The following ATL1 variants were observed in gnomAD, a reference collection of about 807,000 sequenced individuals.
ATL1 encodes atlastin GTPase 1.
Under a neutral mutation model 75.5 loss-of-function variants are expected in ATL1, and 31 were observed. That is an observed-to-expected ratio of 0.41 (90% CI 0.31 to 0.55). The LOEUF (loss-of-function observed/expected upper bound fraction) is 0.55. Among genes scored for constraint, ATL1 ranks in the 20% least tolerant of loss-of-function variants. The pLI is 0.27. For synonymous variants in ATL1, 226 were observed against 233.3 expected (o/e 0.97, Z 0.28); for missense variants, 405 against 662.6 (o/e 0.61, Z 4.27).
intron 5 of ATL1, 71 bp from the exon 6 acceptor site, chr14:50,595,505 G>A (rs930230492): frequency 1.4e-6 from 2 of 1,417,534 alleles, no homozygotes; most frequent in South Asian, 2.3e-5. Context: ...TTAAAACTTT[G>A]CAGGTGCTAA....
At chr14:50,605,029 ATGT>A (rs1309849836) in intron 6 of ATL1, among the ~76,000 whole-genome samples, 1 of 152,018 alleles carries the variant, frequency 6.6e-6, no homozygotes, top group Non-Finnish European at 1.5e-5. Context: ...TGAGTCTTTG[ATGT>A]TGTTGATTTA....
chr14:50,580,531 G>A (rs1406878021), intron 1 of ATL1, among the ~76,000 whole-genome samples: 1 of 152,092 alleles, frequency 6.6e-6, no homozygotes, highest in African/African-American at 2.4e-5. Flanking sequence ...GTCTCTGAAT[G>A]TTAAATTAAC....
intron 1 of ATL1, among the ~76,000 whole-genome samples, chr14:50,581,328 T>C (rs997279501): frequency 3.3e-5 from 5 of 151,940 alleles, no homozygotes; most frequent in African/African-American, 1.2e-4. Context: ...TCAATATAAA[T>C]AAGATACTAC....
At chr14:50,582,233 C>T (rs1487093270) in intron 1 of ATL1, among the ~76,000 whole-genome samples, 2 of 150,832 alleles carry the variant, frequency 1.3e-5, no homozygotes, top group South Asian at 4.3e-4. Context: ...GAGCCGAGAT[C>T]GCGCCACTGC....
At chr14:50,580,094 G>C (rs527767688) in intron 1 of ATL1, among the ~76,000 whole-genome samples, 2 of 152,228 alleles carry the variant, frequency 1.3e-5, no homozygotes, top group African/African-American at 4.8e-5. Flanking sequence ...TCAATATTTA[G>C]AACTGTTCCA....
chr14:50,567,610 A>G (rs567154090), intron 1 of ATL1, among the ~76,000 whole-genome samples: 2 of 152,272 alleles, frequency 1.3e-5, no homozygotes, highest in East Asian at 3.9e-4. Context: ...ATTTTTTCAT[A>G]TCTTCGCCAA....
At chr14:50,601,024 C>T (rs943398509) in intron 6 of ATL1, among the ~76,000 whole-genome samples, 2 of 152,176 alleles carry the variant, frequency 1.3e-5, no homozygotes, top group African/African-American at 2.4e-5. Context: ...GGGAGGATCA[C>T]TTGAGCCCTG....
rs35420627 is a variant in ATL1, at chr14:50,544,936, CAAAAAAAA to C, written c.-140+11588_-140+11595del. On this transcript the variant is annotated intron_variant, in intron 1 of 13. Coordinates refer to the ATL1 transcript ENST00000441560. The stretch of plus-strand genomic sequence containing the variant: ...TGAGTGACAGAGTGAGACCCACTCT[CAAAAAAAA>C]AAAAAAAAAAAAAAAAAAGAAGCCA... 7.1e-3 allele frequency among the ~76,000 whole-genome samples: 417 copies of C among 58,478 alleles called. 1 individual carries two copies. The highest frequency in any genetic ancestry group is 0.016 in the South Asian group (18 of 1,110). 38.4% of individuals were successfully genotyped at this position (58,478 alleles called of 152,430 possible). A position where few individuals can be genotyped will look rare whatever the true frequency, so the allele number is the denominator to read the frequency against.
At chr14:50,611,054 G>C (rs1047298626) in intron 6 of ATL1, among the ~76,000 whole-genome samples, 1 of 151,934 alleles carries the variant, frequency 6.6e-6, no homozygotes, top group African/African-American at 2.4e-5. Context: ...TGACATAGCT[G>C]TCTTGAAAAA....
At chr14:50,595,545 T>C in intron 5 of ATL1, 31 bp from the exon 6 acceptor site, 1 of 1,605,946 alleles carries the variant, frequency 6.2e-7, no homozygotes, top group Non-Finnish European at 8.5e-7. Flanking sequence ...TCTCTCTCTG[T>C]GTATGTGTGT....
intron 1 of ATL1, among the ~76,000 whole-genome samples, chr14:50,539,252 G>A (rs534628542): frequency 2.0e-4 from 31 of 152,234 alleles, no homozygotes; most frequent in African/African-American, 7.5e-4. Context: ...GTCAGTGTAG[G>A]GCACAACATT....
chr14:50,629,824 T>C (rs1312694925), intron 12 of ATL1, among the ~76,000 whole-genome samples, 171 bp from the exon 13 acceptor site: 9 of 152,180 alleles, frequency 5.9e-5, no homozygotes, highest in Non-Finnish European at 1.0e-4. Context: ...GAATACAGAA[T>C]TGAGTTCTTC....
At chr14:50,538,409 C>T (rs960403056) in intron 1 of ATL1, among the ~76,000 whole-genome samples, 12 of 152,122 alleles carry the variant, frequency 7.9e-5, no homozygotes, top group African/African-American at 2.7e-4. Flanking sequence ...TTCTGTTAAC[C>T]TTTATCGTCA....
intron 1 of ATL1, among the ~76,000 whole-genome samples, chr14:50,544,802 T>A (rs2038607288): frequency 6.6e-6 from 1 of 151,648 alleles, no homozygotes; most frequent in Non-Finnish European, 1.5e-5. Flanking sequence ...CCAGGCATGG[T>A]GGCATGACGC....
intron 6 of ATL1, among the ~76,000 whole-genome samples, chr14:50,605,468 CTG>C (rs2039308666): frequency 6.6e-6 from 1 of 151,772 alleles, no homozygotes; most frequent in Non-Finnish European, 1.5e-5. Flanking sequence ...TATTTTATAT[CTG>C]AGCCTCATAT....
intron 1 of ATL1, among the ~76,000 whole-genome samples, chr14:50,567,050 G>A (rs913884120): frequency 6.6e-6 from 1 of 151,950 alleles, no homozygotes; most frequent in Non-Finnish European, 1.5e-5. Context: ...ATATTGTTGT[G>A]TAGCTATCAC....
intron 6 of ATL1, among the ~76,000 whole-genome samples, chr14:50,612,368 A>G (rs952871045): frequency 6.6e-6 from 1 of 152,096 alleles, no homozygotes; most frequent in African/African-American, 2.4e-5. Flanking sequence ...TCATTAAGTT[A>G]TATACTTAAT....
chr14:50,593,704 A>G, intron 4 of ATL1, 142 bp from the exon 5 acceptor site: 1 of 588,350 alleles, frequency 1.7e-6, no homozygotes, highest in Non-Finnish European at 3.1e-6. Context: ...TTCTCTCTCA[A>G]GGTCTTACAA....
intron 6 of ATL1, among the ~76,000 whole-genome samples, chr14:50,602,264 G>C (rs1465647554): frequency 6.6e-6 from 1 of 152,148 alleles, no homozygotes; most frequent in Non-Finnish European, 1.5e-5. Context: ...CTGTGTGTGT[G>C]CTTGTCACTC....
Sources: allele counts gnomAD v4.1 joint callset (sites outside exome capture counted in the v4.1 genomes callset), GRCh38; gene constraint gnomAD v4.1.1; transcripts MANE v1.5; gene names NCBI Gene and HGNC (gene_info 2026-07-23, HGNC 2026-07-21).